Variants in WDR7 observed in about 807,000 individuals in gnomAD.
WDR7 encodes WD repeat domain 7.
Under a neutral mutation model 169.4 loss-of-function variants are expected in WDR7, and 46 were observed. The ratio of observed to expected loss-of-function variants is 0.27; its 90% CI spans 0.21 to 0.35. The LOEUF (loss-of-function observed/expected upper bound fraction) is 0.35. WDR7 is among the 10% of genes least tolerant of loss of function. The pLI, the probability that WDR7 is intolerant of heterozygous loss-of-function variation, is 1.00. For synonymous variants in WDR7, 612 were observed against 666.8 expected, an observed-to-expected ratio of 0.92 and a Z score of 1.27; for missense variants, 1,534 against 1,859.3, an observed-to-expected ratio of 0.83 and a Z score of 3.22.
intron 26 of WDR7, among the ~76,000 whole-genome samples, chr18:56,964,525 A>G (rs117694278): frequency 0.037 from 5,686 of 152,114 alleles, 130 homozygotes; most frequent in Non-Finnish European, 0.053. Context: ...AGTTGGGATT[A>G]CAGGCGCACA....
intron 21 of WDR7, among the ~76,000 whole-genome samples, chr18:56,897,356 T>G (rs2046344251): frequency 6.6e-6 from 1 of 151,538 alleles, no homozygotes; most frequent in Non-Finnish European, 1.5e-5. Context: ...TAACAAAAAT[T>G]GGAATCAGCG....
chr18:56,810,025 T>G (rs1009568700), intron 19 of WDR7, among the ~76,000 whole-genome samples: 47 of 152,156 alleles, frequency 3.1e-4, no homozygotes, highest in African/African-American at 9.2e-4. Flanking sequence ...TCTCGATCCA[T>G]TAACATAAGG....
Position 56,880,021 on chromosome 18 carries a change from G to A in WDR7, c.3382G>A (p.Val1128Ile), listed in dbSNP as rs201129516. 63 of 1,613,940 alleles carry A rather than the reference G, an allele frequency of 3.9e-5. No homozygotes were observed. Among genetic ancestry groups the A allele is most frequent in the Non-Finnish European group, 5.0e-5 (59 of 1,179,970 alleles). ...EERRKQATAIVLLGVIGAEFG... is the reference protein window; with the variant it reads ...EERRKQATAIILLGVIGAEFG... The stretch of plus-strand genomic sequence containing the variant: ...AAGACGGAAGCAAGCTACCGCTATT[G>A]TTTTACTTGGAGTAATAGGAGCTGA... The change falls in exon 21 of 28, where the codon GTT becomes ATT. Residue 1128 changes from valine (V) to isoleucine (I), a missense_variant. Val to Ile is a conservative substitution (Grantham distance 29). Coordinates refer to ENST00000254442, the MANE Select transcript of WDR7 (RefSeq NM_015285.3).
chr18:56,953,908 CAA>C (rs2047215698), intron 25 of WDR7, among the ~76,000 whole-genome samples: 1 of 152,146 alleles, frequency 6.6e-6, no homozygotes, highest in Non-Finnish European at 1.5e-5. Flanking sequence ...ACTAATGAAT[CAA>C]TGATTACTTT....
chr18:56,839,876 A>G (rs1014592000), intron 20 of WDR7, among the ~76,000 whole-genome samples: 3 of 152,124 alleles, frequency 2.0e-5, no homozygotes, highest in South Asian at 4.2e-4. Context: ...GCCTGGCCAA[A>G]ATATTGAAAC....
intron 15 of WDR7, among the ~76,000 whole-genome samples, chr18:56,758,300 G>A (rs1233656226): frequency 6.6e-6 from 1 of 152,046 alleles, no homozygotes; most frequent in African/African-American, 2.4e-5. Flanking sequence ...AAACTAATTT[G>A]TTAGTTCCCT....
At chr18:56,792,583 A>T (rs975646693) in intron 19 of WDR7, among the ~76,000 whole-genome samples, 3 of 151,752 alleles carry the variant, frequency 2.0e-5, no homozygotes, top group African/African-American at 7.3e-5. Context: ...AAACCAATAA[A>T]AAGTATTTCT....
intron 20 of WDR7, among the ~76,000 whole-genome samples, chr18:56,831,393 C>T (rs1183862340): frequency 6.6e-6 from 1 of 152,066 alleles, no homozygotes; most frequent in Non-Finnish European, 1.5e-5. Context: ...AGAGTCTAGA[C>T]CACTCTGACA....
rs899080174 is a variant in WDR7 at position 56,672,586 on chromosome 18, C to T, written c.71C>T (p.Ala24Val). The T allele has an allele frequency of 1.1e-5, 17 of 1,612,992 alleles. No individual in the cohort carries two copies. The highest frequency in any genetic ancestry group is 8.9e-5 in the East Asian group (4 of 44,808). ...AAAGCGCCCACACATTGCATCTCAG[C>T]CGTACTTTTAACAGATGATGGGGCC... ...GRKAPTHCIS[A>V]VLLTDDGATI... The change falls in exon 2 of 28, where the codon GCC becomes GTC. Residue 24 changes from alanine (A) to valine (V), a missense_variant. Coordinates refer to ENST00000254442, the MANE Select transcript of WDR7 (RefSeq NM_015285.3).
intron 12 of WDR7, among the ~76,000 whole-genome samples, chr18:56,713,460 A>G (rs2026126372): frequency 6.6e-6 from 1 of 152,208 alleles, no homozygotes; most frequent in South Asian, 2.1e-4. Context: ...TAAATATACA[A>G]CTATTGGGAA....
At chr18:56,679,832 C>T (rs748793805) in intron 3 of WDR7, among the ~76,000 whole-genome samples, 7 of 152,092 alleles carry the variant, frequency 4.6e-5, no homozygotes, top group Non-Finnish European at 8.8e-5. Context: ...AAGTTCATAA[C>T]GTTATATTGA....
At chr18:56,775,517 AAGT>A (rs1419528716) in intron 16 of WDR7, among the ~76,000 whole-genome samples, 1 of 152,176 alleles carries the variant, frequency 6.6e-6, no homozygotes, top group African/African-American at 2.4e-5. Flanking sequence ...ATAGAATTAA[AAGT>A]AGCTCTATTT....
intron 21 of WDR7, among the ~76,000 whole-genome samples, chr18:56,890,277 G>T (rs2046247293): frequency 6.6e-6 from 1 of 152,078 alleles, no homozygotes; most frequent in African/African-American, 2.4e-5. Flanking sequence ...TTTTTATATT[G>T]TTCTGGTGCT....
intron 20 of WDR7, among the ~76,000 whole-genome samples, chr18:56,871,997 T>C (rs569368947): frequency 6.6e-6 from 1 of 152,226 alleles, no homozygotes; most frequent in South Asian, 2.1e-4. Flanking sequence ...CAAAGCACAG[T>C]TCTGAAAGTA....
Position 56,924,009 on chromosome 18 carries a change from T to C in WDR7, c.3614T>C (p.Ile1205Thr), listed in dbSNP as rs755947916. The change falls in exon 22 of 28, where the codon ATT (isoleucine) becomes ACT (threonine). Residue 1205 changes from isoleucine to threonine, a missense_variant. Physicochemically the swap from Ile to Thr is moderately conservative, Grantham distance 89. Transcript: ENST00000254442. ...STIRRTAIDL[I>T]GRGFTVWEPY... Reference sequence around the variant, plus strand: ...ATCCGAAGAACAGCCATTGATCTGATTGGACGTGGGTTCACTGTTTGGGAG... The same window carrying C: ...ATCCGAAGAACAGCCATTGATCTGACTGGACGTGGGTTCACTGTTTGGGAG... The C allele has an allele frequency of 2.5e-6, 4 of 1,612,460 alleles. No individual in the cohort carries two copies. Among genetic ancestry groups the C allele is most frequent in the Admixed American group, 1.7e-5 (1 of 59,694 alleles).
At chr18:56,725,838 A>G (rs113356756) in intron 13 of WDR7, among the ~76,000 whole-genome samples, 14,500 of 152,048 alleles carry the variant, frequency 0.095, 853 homozygotes, top group Non-Finnish European at 0.13. Flanking sequence ...TGTATAAGGT[A>G]TAAGGAAGGG....
intron 20 of WDR7, among the ~76,000 whole-genome samples, chr18:56,853,897 T>C (rs935832202): frequency 4.6e-5 from 7 of 152,246 alleles, no homozygotes; most frequent in Admixed American, 3.3e-4. Context: ...TTTTTATGAC[T>C]TATTAATAAT....
rs776379753 is a variant in WDR7, at chr18:56,673,019, G to A, written c.159+345G>A. Reference sequence around the variant, plus strand: ...TTCTATGGTAAATGCTTTGAAGAGGGCAAAACTTTTTACAAAGTATAGATT... The same window carrying A: ...TTCTATGGTAAATGCTTTGAAGAGGACAAAACTTTTTACAAAGTATAGATT... On this transcript the variant is annotated intron_variant, in intron 2 of 27. Coordinates refer to ENST00000254442, the MANE Select transcript of WDR7 (RefSeq NM_015285.3). Among the ~76,000 whole-genome samples, 8 of 152,252 alleles carry A rather than the reference G, an allele frequency of 5.3e-5. 1 individual carries two copies. Among genetic ancestry groups the A allele is most frequent in the Middle Eastern group, 6.8e-3 (2 of 292 alleles).
intron 19 of WDR7, among the ~76,000 whole-genome samples, chr18:56,800,129 T>G (rs1421619652): frequency 6.6e-6 from 1 of 152,238 alleles, no homozygotes; most frequent in Admixed American, 6.5e-5. Context: ...GGCTCATTTT[T>G]CATTCTTTTT....
Sources: gnomAD v4.1 joint callset for allele counts (sites outside exome capture counted in the v4.1 genomes callset) on GRCh38, gnomAD v4.1.1 for gene constraint, MANE v1.5 for transcripts, NCBI Gene and HGNC (gene_info 2026-07-23, HGNC 2026-07-21) for gene names.